The following GTF3C1 variants were observed in gnomAD, a reference collection of about 807,000 sequenced individuals.
GTF3C1 encodes the protein general transcription factor IIIC subunit 1.
In GTF3C1, 57 loss-of-function variants were observed where a neutral mutation model predicts 226.7. The ratio of observed to expected loss-of-function variants is 0.25; its 90% CI spans 0.20 to 0.31. GTF3C1 has a LOEUF of 0.31. GTF3C1 is among the 10% of genes least tolerant of loss of function. GTF3C1 has a pLI of 1.00. For missense variants in GTF3C1, 2,217 were observed against 2,776.1 expected (o/e 0.80, Z 4.53); for synonymous variants, 1,090 against 1,084.8 (o/e 1.00, Z -0.09).
intron 27 of GTF3C1, among the ~76,000 whole-genome samples, chr16:27,480,201 C>CAAAA (rs35428757): frequency 4.9e-5 from 3 of 61,002 alleles, no homozygotes; most frequent in South Asian, 7.4e-4. Context: ...GACTCCATCT[C>CAAAA]AAAAAAAAAA....
At chr16:27,519,557 C>T (rs2088713384) in intron 6 of GTF3C1, among the ~76,000 whole-genome samples, 1 of 152,186 alleles carries the variant, frequency 6.6e-6, no homozygotes, top group Non-Finnish European at 1.5e-5. Context: ...TCAGCCCAGT[C>T]TCACATGGGA....
chr16:27,497,647 GTGA>G lies in GTF3C1; in HGVS notation c.2337_2339del (p.His780del), dbSNP rs1402703558. 1.9e-6 allele frequency: 3 copies of G among 1,611,964 alleles called. No individual in the cohort carries two copies. The highest frequency in any genetic ancestry group is 8.5e-7 in the Non-Finnish European group (1 of 1,178,350). ...GAAGCTGCAGCTTACCTACAATGGG[GTGA>G]TAATTTCTAAGCGGGGTTATGCCCA... On this transcript the variant is annotated inframe_deletion, in exon 14 of 37. Coordinates refer to ENST00000356183, the MANE Select transcript of GTF3C1 (RefSeq NM_001520.4).
At chr16:27,500,914 A>G (rs1005470862) in intron 12 of GTF3C1, among the ~76,000 whole-genome samples, 2 of 152,200 alleles carry the variant, frequency 1.3e-5, no homozygotes, top group African/African-American at 4.8e-5. Context: ...CTGAACTTCA[A>G]TATGTCTCTG....
At chr16:27,508,759 T>C in intron 7 of GTF3C1, 104 bp from the exon 8 acceptor site, 2 of 783,012 alleles carry the variant, frequency 2.6e-6, no homozygotes, top group Middle Eastern at 3.0e-4. Flanking sequence ...TGCTGTGAAA[T>C]TAACAGACAG....
At chr16:27,511,703 A>C (rs2141410988) in intron 7 of GTF3C1, 46 bp downstream of exon 7, 1 of 1,603,646 alleles carries the variant, frequency 6.2e-7, no homozygotes, top group South Asian at 1.1e-5. Flanking sequence ...TTCTTGACTC[A>C]AATTCTCGGG....
chr16:27,485,651 A>G (rs1204205338), intron 24 of GTF3C1, among the ~76,000 whole-genome samples: 1 of 152,224 alleles, frequency 6.6e-6, no homozygotes, highest in Non-Finnish European at 1.5e-5. Flanking sequence ...GCTGAAAGCT[A>G]AAAAGAAATG....
At chr16:27,479,277 G>C (rs933658045) in intron 27 of GTF3C1, among the ~76,000 whole-genome samples, 1 of 151,520 alleles carries the variant, frequency 6.6e-6, no homozygotes, top group African/African-American at 2.4e-5. Flanking sequence ...AATCCCCAAA[G>C]AGTAGCCATA....
chr16:27,462,869 C>T lies in GTF3C1; in HGVS notation c.5925-383G>A, dbSNP rs914785548. 4.7e-5 allele frequency: 11 copies of T among 232,854 alleles called. No individual in the cohort carries two copies. The East Asian group carries it at 8.3e-4, about 17-fold the overall frequency. The allele number at this position is 232,854 out of a possible 1,614,324, so 14.4% of individuals were successfully genotyped here. On this transcript the variant is annotated intron_variant, in intron 35 of 36. Coordinates refer to ENST00000356183, the MANE Select transcript of GTF3C1 (RefSeq NM_001520.4). The surrounding 1 kb of genome is among the most constrained non-coding windows in gnomAD (Gnocchi z 4.5). The stretch of plus-strand genomic sequence containing the variant: ...AGCGTGACCCTGAAGCTCTGCTCCA[C>T]GCCATGTGCAGAGTTCCAGGCACAC...
Position 27,476,538 on chromosome 16 carries a change from A to T in GTF3C1, c.4266T>A (p.Asp1422Glu). Residue 1422 changes from aspartate (D) to glutamate (E), a missense_variant, in exon 29 of 37, where the codon GAT becomes GAA. Around this residue, in one of 12 missense-constraint regions of GTF3C1, gnomAD observed 546 missense variants for 663.0 expected, o/e 0.82. Transcript: ENST00000356183. ...TRKEDELNSVDDIHFLVLQNL... is the reference protein window; with the variant it reads ...TRKEDELNSVEDIHFLVLQNL... ...TCTGAAGCACCAGAAAGTGGATGTC[A>T]TCCACGCTGAAAGAGAGGGGGCAGC... 1 of 1,602,230 alleles carries T rather than the reference A, an allele frequency of 6.2e-7. No homozygotes were observed. The highest frequency in any genetic ancestry group is 1.7e-5 in the Admixed American group (1 of 59,974).
intron 10 of GTF3C1, 125 bp from the exon 11 acceptor site, chr16:27,503,120 C>G (rs2088432514): frequency 3.0e-6 from 2 of 656,650 alleles, no homozygotes; most frequent in South Asian, 3.7e-5. Context: ...AGAAGGGAAG[C>G]CAAGAAGCCT....
intron 5 of GTF3C1, among the ~76,000 whole-genome samples, chr16:27,529,514 C>A (rs574209529): frequency 4.6e-5 from 7 of 152,026 alleles, no homozygotes; most frequent in Middle Eastern, 3.4e-3. Context: ...TGGGTATTTC[C>A]ATCTCATCAC....
chr16:27,508,785 A>AGAAAGGTTGGGCCGACCCAACAGC, intron 7 of GTF3C1, 130 bp from the exon 8 acceptor site: 1 of 665,000 alleles, frequency 1.5e-6, no homozygotes, highest in Non-Finnish European at 2.6e-6. Flanking sequence ...AACATACGCC[A>AGAAAGGTTGGGCCGACCCAACAGC]TTTCTCTCCC....
chr16:27,481,270 C>CT, intron 26 of GTF3C1, 79 bp from the exon 27 acceptor site: 1 of 1,240,336 alleles, frequency 8.1e-7, no homozygotes, highest in Non-Finnish European at 1.2e-6. Context: ...CAAGGAATAT[C>CT]TTGTAACAAA....
intron 24 of GTF3C1, 51 bp downstream of exon 24, chr16:27,485,946 A>G: frequency 8.1e-7 from 1 of 1,240,366 alleles, no homozygotes; most frequent in Non-Finnish European, 1.1e-6. Context: ...TCAGACAGGA[A>G]GGAGCTCCGA....
At chr16:27,525,423 G>A (rs777690911) in intron 6 of GTF3C1, among the ~76,000 whole-genome samples, 27 of 152,198 alleles carry the variant, frequency 1.8e-4, no homozygotes, top group Non-Finnish European at 3.2e-4. Flanking sequence ...GGAACTCAAA[G>A]ATGAGGTTTT....
rs1026377344 is a variant in GTF3C1, at chr16:27,493,241, C to T, written c.2834G>A (p.Arg945His). Residue 945 changes from arginine to histidine, a missense_variant, in exon 17 of 37, where the codon CGC becomes CAC. By Grantham distance (29) the Arg-to-His change is conservative. Coordinates refer to ENST00000356183, the MANE Select transcript of GTF3C1 (RefSeq NM_001520.4). ...CTGCCGAATGGGCCTGGGGAGAAAG[C>T]GGATCAGCGTGTGCTTCTTCAGCGG... is the stretch of plus-strand genomic sequence containing the variant. ...NDPLKKHTLIRFLPRPIRQQL... is the reference protein window; with the variant it reads ...NDPLKKHTLIHFLPRPIRQQL... The T allele has an allele frequency of 4.3e-6, 7 of 1,611,712 alleles. No individual in the cohort carries two copies. Among genetic ancestry groups the T allele is most frequent in the African/African-American group, 2.7e-5 (2 of 74,860 alleles).
chr16:27,519,399 T>TGGAG (rs1181298113), intron 6 of GTF3C1, among the ~76,000 whole-genome samples: 3 of 152,130 alleles, frequency 2.0e-5, no homozygotes, highest in African/African-American at 4.8e-5. Context: ...GAAGCTGGCT[T>TGGAG]GGAGGGAGGG....
intron 11 of GTF3C1, among the ~76,000 whole-genome samples, chr16:27,502,293 C>T (rs577569147): frequency 3.3e-5 from 5 of 152,152 alleles, no homozygotes; most frequent in East Asian, 3.9e-4. Context: ...TCCTCCTCAC[C>T]GAGTGGCTCT....
intron 32 of GTF3C1, among the ~76,000 whole-genome samples, chr16:27,468,981 C>T (rs562192813): frequency 2.2e-4 from 34 of 152,248 alleles, no homozygotes; most frequent in African/African-American, 7.5e-4. Context: ...GGAGAGTGGG[C>T]GGGGTGGGGA....
Sources: allele counts gnomAD v4.1 joint callset (sites outside exome capture counted in the v4.1 genomes callset), GRCh38; gene constraint gnomAD v4.1.1; regional missense constraint gnomAD v4.1.1; non-coding constraint Gnocchi (gnomAD v3.1); transcripts MANE v1.5; gene names NCBI Gene and HGNC (gene_info 2026-07-23, HGNC 2026-07-21).